FOXP2: variants seen among roughly 807,000 people sequenced by gnomAD.
The protein encoded by FOXP2 is forkhead box P2.
A neutral mutation model predicts 115.8 loss-of-function variants in FOXP2; 12 were observed. The observed-to-expected ratio is 0.10, with a 90% CI of 0.07 to 0.17. FOXP2 has a LOEUF of 0.17. FOXP2 is among the 10% of genes least tolerant of loss of function. FOXP2 has a pLI of 1.00. For synonymous variants in FOXP2, 328 were observed against 297.7 expected (o/e 1.10, Z -1.05); for missense variants, 629 against 843.5 (o/e 0.75, Z 3.15).
chr7:114,224,188 A>G (rs1035670562), intron 1 of FOXP2, among the ~76,000 whole-genome samples: 2 of 152,130 alleles, frequency 1.3e-5, no homozygotes, highest in Non-Finnish European at 2.9e-5. Context: ...GAACCTCGCT[A>G]TCTTAATTAC....
At chr7:114,419,884 A>C (rs548986823) in intron 1 of FOXP2, 1 of 151,972 alleles carries the variant, frequency 6.6e-6, no homozygotes, top group Admixed American at 6.6e-5. Flanking sequence ...CTAAGTTGAG[A>C]CCGGTGGAAG....
intron 1 of FOXP2, among the ~76,000 whole-genome samples, chr7:114,247,562 C>A (rs1371987079): frequency 6.6e-6 from 1 of 152,128 alleles, no homozygotes; most frequent in Admixed American, 6.6e-5. Flanking sequence ...ATTTGTCTAA[C>A]TGGCACATGG....
intron 1 of FOXP2, among the ~76,000 whole-genome samples, chr7:114,134,768 G>C (rs1330894054): frequency 6.6e-6 from 1 of 151,328 alleles, no homozygotes; most frequent in Non-Finnish European, 1.5e-5. Flanking sequence ...ACATCTCCTC[G>C]GGTGAGAGGT....
intron 1 of FOXP2, among the ~76,000 whole-genome samples, chr7:114,203,397 A>G (rs1005695347): frequency 3.3e-5 from 5 of 152,140 alleles, no homozygotes; most frequent in African/African-American, 9.7e-5. Flanking sequence ...CAGTGGTGCT[A>G]TCTCAGCTCA....
At chr7:114,420,040 G>A (rs1010620432) in intron 1 of FOXP2, among the ~76,000 whole-genome samples, 1 of 151,880 alleles carries the variant, frequency 6.6e-6, no homozygotes, top group African/African-American at 2.4e-5. Flanking sequence ...AGAGAATGAG[G>A]ATCCGTGGAA....
chr7:114,253,364 G>A (rs1211416439), intron 1 of FOXP2, among the ~76,000 whole-genome samples: 4 of 151,716 alleles, frequency 2.6e-5, no homozygotes, highest in Admixed American at 6.6e-5. Flanking sequence ...TTTCTGTCTC[G>A]TTGATCTGTC....
At chr7:114,112,603 T>C (rs1406624570) in intron 1 of FOXP2, among the ~76,000 whole-genome samples, 1 of 152,068 alleles carries the variant, frequency 6.6e-6, no homozygotes, top group Non-Finnish European at 1.5e-5. Flanking sequence ...CCTGGCCTGG[T>C]TTCTGCACTT....
At chr7:114,421,660 C>G (rs1793627861) in intron 1 of FOXP2, among the ~76,000 whole-genome samples, 7 of 151,520 alleles carry the variant, frequency 4.6e-5, no homozygotes, top group Admixed American at 4.6e-4. Flanking sequence ...AACAGATAAC[C>G]TTCCCCAAAT....
At chr7:114,599,880 G>A (rs951319772) in intron 3 of FOXP2, among the ~76,000 whole-genome samples, 4 of 152,066 alleles carry the variant, frequency 2.6e-5, no homozygotes, top group African/African-American at 9.7e-5. Flanking sequence ...TTTTAGACCA[G>A]TTTTTGGTTT....
At chr7:114,190,354 GA>G (rs1314167354) in intron 1 of FOXP2, among the ~76,000 whole-genome samples, 1 of 152,156 alleles carries the variant, frequency 6.6e-6, no homozygotes, top group Non-Finnish European at 1.5e-5. Flanking sequence ...GAATAGAACA[GA>G]AAGGCCAAGG....
intron 1 of FOXP2, among the ~76,000 whole-genome samples, chr7:114,112,225 C>A (rs1389676957): frequency 6.6e-6 from 1 of 152,024 alleles, no homozygotes; most frequent in Non-Finnish European, 1.5e-5. Flanking sequence ...AAATATCAGG[C>A]ACTGAAACAG....
At chr7:114,447,030 A>G (rs1184390000) in intron 2 of FOXP2, among the ~76,000 whole-genome samples, 3 of 152,014 alleles carry the variant, frequency 2.0e-5, no homozygotes, top group Non-Finnish European at 2.9e-5. Flanking sequence ...GACTACAAGC[A>G]TGAGCCATGG....
chr7:114,587,362 G>A (rs1802193727), intron 3 of FOXP2, among the ~76,000 whole-genome samples: 1 of 152,008 alleles, frequency 6.6e-6, no homozygotes, highest in African/African-American at 2.4e-5. Flanking sequence ...TGCGATGTTT[G>A]GTTTTCTGTT....
At chr7:114,594,316 T>C (rs900953727) in intron 3 of FOXP2, among the ~76,000 whole-genome samples, 5 of 152,048 alleles carry the variant, frequency 3.3e-5, no homozygotes, top group African/African-American at 1.2e-4. Context: ...TTTAGGTGAA[T>C]AATCTGCATT....
At chr7:114,523,588 C>T (rs772705732) in intron 2 of FOXP2, among the ~76,000 whole-genome samples, 5 of 152,088 alleles carry the variant, frequency 3.3e-5, no homozygotes, top group Non-Finnish European at 7.4e-5. Flanking sequence ...GAATAGAGAA[C>T]CGAAGTTTTG....
chr7:114,612,440 T>C (rs555157113), intron 3 of FOXP2, among the ~76,000 whole-genome samples: 43 of 152,036 alleles, frequency 2.8e-4, no homozygotes, highest in Admixed American at 1.8e-3. Flanking sequence ...CACACACACA[T>C]ATATATATAG....
At chr7:114,586,509 G>A (rs1025665104) in intron 3 of FOXP2, among the ~76,000 whole-genome samples, 4 of 151,988 alleles carry the variant, frequency 2.6e-5, no homozygotes, top group East Asian at 1.9e-4. Context: ...TTTATGCATT[G>A]AATATGCAAA....
chr7:114,090,916 C>T (rs917779099), intron 1 of FOXP2, among the ~76,000 whole-genome samples: 1 of 151,460 alleles, frequency 6.6e-6, no homozygotes, highest in African/African-American at 2.4e-5. Flanking sequence ...AAAGTGGGCC[C>T]TGTAACATAT....
chr7:114,323,654 A>G (rs1009948701), intron 2 of FOXP2, among the ~76,000 whole-genome samples: 1 of 152,026 alleles, frequency 6.6e-6, no homozygotes, highest in Non-Finnish European at 1.5e-5. Context: ...TTGTTTTCCT[A>G]TAGATTAGCC....
Sources: gnomAD v4.1 joint callset for allele counts (sites outside exome capture counted in the v4.1 genomes callset) on GRCh38, gnomAD v4.1.1 for gene constraint, MANE v1.5 for transcripts, NCBI Gene and HGNC (gene_info 2026-07-23, HGNC 2026-07-21) for gene names.